SPEG: variants seen among roughly 807,000 people sequenced by gnomAD.
SPEG encodes the protein striated muscle enriched protein kinase.
Under a neutral mutation model 300.4 loss-of-function variants are expected in SPEG, and 114 were observed. The ratio of observed to expected loss-of-function variants is 0.38; its 90% CI spans 0.33 to 0.44. The LOEUF (loss-of-function observed/expected upper bound fraction) is 0.44. SPEG is among the 20% of genes least tolerant of loss of function. The probability of loss-of-function intolerance (pLI) is 1.00; values close to 1 mark genes in which losing one functional copy is unlikely to be tolerated. For missense variants in SPEG, 4,201 were observed against 4,586.2 expected (o/e 0.92, Z 2.43); for synonymous variants, 1,964 against 2,018.9 (o/e 0.97, Z 0.73).
intron 6 of SPEG, chr2:219,460,977 T>A (rs561133765): frequency 2.0e-6 from 2 of 985,134 alleles, no homozygotes; most frequent in Admixed American, 1.2e-4. Context: ...CAGGCTGGGG[T>A]CTGTGTGCAG....
At chr2:219,461,690 G>C in intron 6 of SPEG, 192 bp from the exon 7 acceptor site, 1 of 791,734 alleles carries the variant, frequency 1.3e-6, no homozygotes, top group Non-Finnish European at 1.9e-6. Context: ...CAGAGCCAGT[G>C]GCAGAGGAGG....
Position 219,448,495 on chromosome 2 carries a change from C to T in SPEG, c.1337C>T (p.Pro446Leu), listed in dbSNP as rs1689488922. Reference sequence around the variant, plus strand: ...CAGCCCAAGTCGGAGCGCGGCGCACCGTGGGGCACCCCCGGGGCCTCGCAG... The same window carrying T: ...CAGCCCAAGTCGGAGCGCGGCGCACTGTGGGGCACCCCCGGGGCCTCGCAG... ...LEQPKSERGA[P>L]WGTPGASQEE... Residue 446 changes from proline to leucine, a missense_variant, in exon 4 of 41, where the codon CCG (proline) becomes CTG (leucine). Coordinates refer to ENST00000312358, the MANE Select transcript of SPEG (RefSeq NM_005876.5). 6.9e-7 allele frequency: 1 copy of T among 1,458,830 alleles called. No homozygotes were observed. The highest frequency in any genetic ancestry group is 2.6e-5 in the Admixed American group (1 of 38,542). The allele number at this position is 1,458,830 out of a possible 1,614,324, so 90.4% of individuals were successfully genotyped here.
In SPEG at chr2:219,443,859, A is replaced by C. The variant is rs10932805; in HGVS notation, c.389-794A>C. Reference sequence around the variant, plus strand: ...AACAAGCCCAAGTATGGGGGTCCCCAGTGCTGGGCACATCCCAGGTATCTC... The same window carrying C: ...AACAAGCCCAAGTATGGGGGTCCCCCGTGCTGGGCACATCCCAGGTATCTC... On this transcript the variant is annotated intron_variant, in intron 1 of 40. Coordinates refer to ENST00000312358, the MANE Select transcript of SPEG (RefSeq NM_005876.5). The surrounding 1 kb of genome is among the most constrained non-coding windows in gnomAD (Gnocchi z 4.6). 0.96 allele frequency: 436,561 copies of C among 454,470 alleles called. 210,282 individuals are homozygous for C. Among genetic ancestry groups the C allele is most frequent in the Non-Finnish European group, 0.98 (235,065 of 239,060 alleles). The allele number at this position is 454,470 out of a possible 1,614,324, so 28.2% of individuals were successfully genotyped here. A position where few individuals can be genotyped will look rare whatever the true frequency, so the allele number is the denominator to read the frequency against.
chr2:219,464,807 A>C lies in SPEG; in HGVS notation c.2881+199A>C. On this transcript the variant is annotated intron_variant, in intron 9 of 40. Coordinates refer to ENST00000312358, the MANE Select transcript of SPEG (RefSeq NM_005876.5). The surrounding 1 kb of genome is among the most constrained non-coding windows in gnomAD (Gnocchi z 4.5). ...TGACCTGCCCAAAGCTGCACAGCACATTGTTCCGTGCTCAGCTTACTACAC... is the reference window on the plus strand; with the variant it reads ...TGACCTGCCCAAAGCTGCACAGCACCTTGTTCCGTGCTCAGCTTACTACAC... 1 of 584,736 alleles carries C rather than the reference A, an allele frequency of 1.7e-6. No individual in the cohort carries two copies. Among genetic ancestry groups the C allele is most frequent in the South Asian group, 2.0e-5 (1 of 48,810 alleles). 36.2% of individuals were successfully genotyped at this position (584,736 alleles called of 1,614,324 possible).
At position 219,472,303 on chromosome 2, in the gene SPEG, C is replaced by T. The variant is rs754773582; in HGVS notation, c.3912C>T (p.Asn1304=). The T allele has an allele frequency of 6.2e-7, 1 of 1,613,402 alleles. No individual in the cohort carries two copies. The change falls in exon 15 of 41, where the codon AAC becomes AAT. Residue 1304 remains asparagine, a synonymous_variant. Transcript: ENST00000312358. ...GGAGGATGGTCACACTCACATGGAACCCCCCCAGGAGTCTGGACATGGCCA... is the reference window on the plus strand; with the variant it reads ...GGAGGATGGTCACACTCACATGGAATCCCCCCAGGAGTCTGGACATGGCCA... ...VTGRMVTLTW[N]PPRSLDMAID...
At chr2:219,438,702 G>A (rs555545382) in intron 1 of SPEG, among the ~76,000 whole-genome samples, 30 of 152,344 alleles carry the variant, frequency 2.0e-4, no homozygotes, top group Admixed American at 3.3e-4. Context: ...GAAGAGGTGA[G>A]CTGATGATGC....
intron 6 of SPEG, among the ~76,000 whole-genome samples, chr2:219,457,925 CTCTCTT>C (rs1425456154): frequency 6.6e-6 from 1 of 152,216 alleles, no homozygotes; most frequent in Non-Finnish European, 1.5e-5. Context: ...TCCTTCAGTT[CTCTCTT>C]TTTCCCTGGG....
intron 18 of SPEG, 160 bp downstream of exon 18, chr2:219,474,063 A>G: frequency 1.4e-6 from 1 of 690,222 alleles, no homozygotes; most frequent in Non-Finnish European, 2.4e-6. Context: ...CATATTAGTA[A>G]TAATGACAAC....
rs551879750 is a variant in SPEG at position 219,484,042 on chromosome 2, A to G, written c.6579A>G (p.Glu2193=). The G allele has an allele frequency of 6.2e-7, 1 of 1,613,342 alleles. No homozygotes were observed. The highest frequency in any genetic ancestry group is 1.1e-5 in the South Asian group (1 of 91,058). Residue 2193 remains glutamate (E), a synonymous_variant, in exon 30 of 41, where the codon GAA becomes GAG. Coordinates refer to ENST00000312358, the MANE Select transcript of SPEG (RefSeq NM_005876.5). The part of the protein sequence containing the change: ...APKPSTPKSA[E]PSATTPSDAP... Reference sequence around the variant, plus strand: ...AACCCAGTACCCCTAAGTCTGCAGAACCTTCTGCCACCACACCTAGTGATG... The same window carrying G: ...AACCCAGTACCCCTAAGTCTGCAGAGCCTTCTGCCACCACACCTAGTGATG...
At chr2:219,491,535 C>T (rs990520004) in intron 38 of SPEG, among the ~76,000 whole-genome samples, 5 of 152,216 alleles carry the variant, frequency 3.3e-5, no homozygotes, top group African/African-American at 1.2e-4. Context: ...GAGCTTGTCA[C>T]CCTGCTTCTC....
At chr2:219,471,538 G>T in intron 13 of SPEG, 1 of 346,118 alleles carries the variant, frequency 2.9e-6, no homozygotes, top group African/African-American at 2.1e-5. Context: ...GTGGGAAGAC[G>T]AGGGGCCAGT....
chr2:219,480,658 C>T lies in SPEG; in HGVS notation c.5343-13C>T. On this transcript the variant is annotated splice_polypyrimidine_tract_variant and intron_variant, in intron 25 of 40. Coordinates refer to ENST00000312358, the MANE Select transcript of SPEG (RefSeq NM_005876.5). The surrounding 1 kb of genome is among the most constrained non-coding windows in gnomAD (Gnocchi z 5.3). ...GGGCGGTCCTCTTACCTATCACTCT[C>T]CTTTTCCCACAGGCCTGTGGGTGTT... 1.9e-6 allele frequency: 3 copies of T among 1,613,924 alleles called. No homozygotes were observed. Among genetic ancestry groups the T allele is most frequent in the Non-Finnish European group, 2.5e-6 (3 of 1,179,836 alleles).
At chr2:219,466,588 T>C in intron 9 of SPEG, 6 of 1,014,842 alleles carry the variant, frequency 5.9e-6, no homozygotes, top group Non-Finnish European at 7.1e-6. Flanking sequence ...TAGAAATGGG[T>C]TTCGAATGGC....
At chr2:219,491,430 G>C (rs1477305589) in intron 38 of SPEG, among the ~76,000 whole-genome samples, 1 of 152,110 alleles carries the variant, frequency 6.6e-6, no homozygotes, top group Non-Finnish European at 1.5e-5. Context: ...GCAGGTCTGG[G>C]ATTAGAGCCA....
chr2:219,482,645 A>AC (rs1169225248), intron 28 of SPEG, 139 bp from the exon 29 acceptor site: 2 of 688,646 alleles, frequency 2.9e-6, no homozygotes, highest in Non-Finnish European at 5.1e-6. Context: ...GGGGAAGGGG[A>AC]CCCCCAGGAG....
chr2:219,460,978 C>T (rs1690629577), intron 6 of SPEG: 1 of 984,020 alleles, frequency 1.0e-6, no homozygotes, highest in South Asian at 4.7e-5. Flanking sequence ...AGGCTGGGGT[C>T]TGTGTGCAGA....
Position 219,477,011 on chromosome 2 carries a change from G to A in SPEG, c.4560+29G>A. On this transcript the variant is annotated intron_variant, in intron 19 of 40. Coordinates refer to ENST00000312358, the MANE Select transcript of SPEG (RefSeq NM_005876.5). The surrounding 1 kb of genome is among the most constrained non-coding windows in gnomAD (Gnocchi z 6.4). Reference sequence around the variant, plus strand: ...AGAGTGTGCTGCTGGCTGAGCCTGGGGGAGGGAGGAGGGGCTCCCTGGGGG... The same window carrying A: ...AGAGTGTGCTGCTGGCTGAGCCTGGAGGAGGGAGGAGGGGCTCCCTGGGGG... 6.4e-7 allele frequency: 1 copy of A among 1,567,772 alleles called. No homozygotes were observed. The highest frequency in any genetic ancestry group is 8.7e-7 in the Non-Finnish European group (1 of 1,149,616).
chr2:219,467,207 C>A lies in SPEG; in HGVS notation c.2915C>A (p.Ala972Asp), dbSNP rs907935675. 1 of 1,591,164 alleles carries A rather than the reference C, an allele frequency of 6.3e-7. No homozygotes were observed. The highest frequency in any genetic ancestry group is 8.5e-7 in the Non-Finnish European group (1 of 1,169,742). Residue 972 changes from alanine (A) to aspartate (D), a missense_variant, in exon 10 of 41, where the codon GCC becomes GAC. By Grantham distance (126) the Ala-to-Asp change is moderately radical (BLOSUM62 -2). This residue lies in a region of SPEG where 1,047 missense variants were observed against 1,356.8 expected (regional missense o/e 0.77). Transcript: ENST00000312358. ...GAAAGCCGGTCCCTGGCCGTGCTGG[C>A]CCCCCTGCAGGACGTGGACGTGGGG... ...HPESRSLAVL[A>D]PLQDVDVGAG...
intron 1 of SPEG, 87 bp downstream of exon 1, chr2:219,435,452 G>A: frequency 7.5e-7 from 1 of 1,335,092 alleles, no homozygotes; most frequent in Non-Finnish European, 9.8e-7. Flanking sequence ...GTAAGGTACT[G>A]GATACTGGTT....
Sources: allele counts gnomAD v4.1 joint callset (sites outside exome capture counted in the v4.1 genomes callset), GRCh38; gene constraint gnomAD v4.1.1; regional missense constraint gnomAD v4.1.1; non-coding constraint Gnocchi (gnomAD v3.1); transcripts MANE v1.5; gene names NCBI Gene and HGNC (gene_info 2026-07-23, HGNC 2026-07-21).